Variants in UTS2 observed in about 807,000 individuals in gnomAD.
The protein encoded by UTS2 is urotensin 2, also known as urotensin-2.
In UTS2, 10 loss-of-function variants were observed where a neutral mutation model predicts 12.6. The observed-to-expected ratio is 0.80, with a 90% CI of 0.49 to 1.35. UTS2 has a LOEUF of 1.35. Ranked by LOEUF, UTS2 falls within the 40% of genes most tolerant of loss-of-function variation. The pLI is 0.00. For missense variants in UTS2, 142 were observed against 143.2 expected (o/e 0.99, Z 0.04); for synonymous variants, 52 against 50.0 (o/e 1.04, Z -0.17).
rs1192798129 is a variant in UTS2, at chr1:7,852,948, AAG to A, written c.54_55del (p.Leu19IlefsTer6). 7 of 1,613,470 alleles carry A rather than the reference AAG, an allele frequency of 4.3e-6. No homozygotes were observed. The highest frequency in any genetic ancestry group is 2.2e-5 in the South Asian group (2 of 91,024). ...CCTGGAGTCAAGGAGAGGAAGAGATAAGAGAGGATTTAAGAATCCTATGAAAA... is the reference window on the plus strand; with the variant it reads ...CCTGGAGTCAAGGAGAGGAAGAGATAAGAGGATTTAAGAATCCTATGAAAA... On this transcript the variant is annotated frameshift_variant, in exon 1 of 4. Transcript: ENST00000361696. LOFTEE classifies it high-confidence loss of function.
the UTS2 span, among the ~76,000 whole-genome samples, chr1:7,875,055 AT>A: frequency 0.72 from 107,830 of 148,758 alleles, 39,447 homozygotes; most frequent in African/African-American, 0.84. Flanking sequence ...TTTTTTCTTT[AT>A]TTTTTTTTTC....
upstream of UTS2, among the ~76,000 whole-genome samples, chr1:7,857,607 C>T (rs1017344107): frequency 6.6e-6 from 1 of 152,012 alleles, no homozygotes; most frequent in South Asian, 2.1e-4. Flanking sequence ...AATCCTAGCA[C>T]TTTGGGAGGT....
At chr1:7,853,299 C>A (rs762054604), upstream of UTS2, 4 of 1,613,972 alleles carry the variant, frequency 2.5e-6, no homozygotes, top group Non-Finnish European at 3.4e-6. Context: ...GCAAAAGAGG[C>A]AACTTACAGC....
the UTS2 span, among the ~76,000 whole-genome samples, chr1:7,864,910 C>T: frequency 2.6e-5 from 3 of 117,598 alleles, no homozygotes; most frequent in African/African-American, 8.2e-5. Context: ...CCTCCCACAG[C>T]GGTCCCTCTG....
the UTS2 span, among the ~76,000 whole-genome samples, chr1:7,886,452 T>C: frequency 6.6e-6 from 1 of 152,190 alleles, no homozygotes; most frequent in Admixed American, 6.5e-5. Flanking sequence ...GAGTAGTACT[T>C]GCTTTCTGAA....
rs1399737858 is a variant in UTS2, at chr1:7,852,971, GA to G, written c.32del (p.Phe11SerfsTer2). On this transcript the variant is annotated frameshift_variant, in exon 1 of 4. Transcript: ENST00000361696. LOFTEE classifies it high-confidence loss of function. ...ATAAGAGAGGATTTAAGAATCCTATGAAAAGCAAACAGCAGGAGGCCAGCTT... is the reference window on the plus strand; with the variant it reads ...ATAAGAGAGGATTTAAGAATCCTATGAAAGCAAACAGCAGGAGGCCAGCTT... MYKLASCCLL[F>X]IGFLNPLLSL... The G allele has an allele frequency of 1.2e-6, 2 of 1,613,652 alleles. No individual in the cohort carries two copies. The highest frequency in any genetic ancestry group is 1.7e-5 in the Admixed American group (1 of 59,970).
chr1:7,898,337 T>C, the UTS2 span, among the ~76,000 whole-genome samples: 9 of 152,120 alleles, frequency 5.9e-5, no homozygotes, highest in Admixed American at 5.9e-4. Flanking sequence ...AAAAAAGCAC[T>C]AAATGCCAGC....
the UTS2 span, among the ~76,000 whole-genome samples, chr1:7,890,616 A>T: frequency 6.6e-6 from 1 of 151,888 alleles, no homozygotes; most frequent in Non-Finnish European, 1.5e-5. Flanking sequence ...TGACATAGAA[A>T]GATGCTCACA....
At chr1:7,863,033 G>GTATTGTATTGTATTGTATTGTATTGTATT in the UTS2 span, among the ~76,000 whole-genome samples, 1 of 26,960 alleles carries the variant, frequency 3.7e-5, no homozygotes. Flanking sequence ...GTATTGTATT[G>GTATTGTATTGTATTGTATTGTATTGTATT]TATTGTATTG....
At chr1:7,859,106 T>C in the UTS2 span, among the ~76,000 whole-genome samples, 1 of 152,188 alleles carries the variant, frequency 6.6e-6, no homozygotes, top group Admixed American at 6.5e-5. Flanking sequence ...CCAGAGAAGT[T>C]GAGGATACCT....
chr1:7,906,511 A>AAAGAAAGAAAGAAAG, the UTS2 span, among the ~76,000 whole-genome samples: 1 of 47,762 alleles, frequency 2.1e-5, no homozygotes, highest in Non-Finnish European at 5.0e-5. Flanking sequence ...AAGAAAGAAA[A>AAAGAAAGAAAGAAAG]GAGGGAGGGA....
the UTS2 span, among the ~76,000 whole-genome samples, chr1:7,877,145 A>AG: frequency 3.2e-5 from 3 of 93,256 alleles, no homozygotes; most frequent in South Asian, 7.9e-4. Flanking sequence ...AAAAAAAAGA[A>AG]AAAAAAAAGA....
upstream of UTS2, among the ~76,000 whole-genome samples, chr1:7,855,978 G>A (rs116662097): frequency 0.011 from 1,658 of 151,972 alleles, 28 homozygotes; most frequent in African/African-American, 0.038. Flanking sequence ...GGGATTACAG[G>A]CGCAAACCAC....
upstream of UTS2, among the ~76,000 whole-genome samples, chr1:7,854,037 C>T (rs1638243487): frequency 6.6e-6 from 1 of 152,092 alleles, no homozygotes; most frequent in Admixed American, 6.6e-5. Flanking sequence ...CAAGACCAGC[C>T]TGGGCAACAT....
the UTS2 span, among the ~76,000 whole-genome samples, chr1:7,903,261 C>G: frequency 3.7e-4 from 2 of 5,362 alleles, no homozygotes. Flanking sequence ...TGCTTCCCCT[C>G]CTTCTCCTGC....
chr1:7,908,639 T>C, the UTS2 span, among the ~76,000 whole-genome samples: 5 of 151,956 alleles, frequency 3.3e-5, no homozygotes, highest in Admixed American at 3.3e-4. Flanking sequence ...CTCTGCGTCA[T>C]TGATTGGTAT....
the UTS2 span, among the ~76,000 whole-genome samples, chr1:7,867,872 T>C: frequency 3.9e-5 from 6 of 151,918 alleles, no homozygotes; most frequent in Admixed American, 1.3e-4. Flanking sequence ...CAAGACTCAG[T>C]CTCAAAAATA....
the UTS2 span, among the ~76,000 whole-genome samples, chr1:7,868,753 AT>A: frequency 6.6e-6 from 1 of 152,338 alleles, no homozygotes; most frequent in African/African-American, 2.4e-5. Context: ...TGGACTAAAT[AT>A]ATCCTCCAAA....
the UTS2 span, among the ~76,000 whole-genome samples, chr1:7,893,385 C>T: frequency 6.6e-6 from 1 of 152,036 alleles, no homozygotes; most frequent in African/African-American, 2.4e-5. Context: ...CTTGGAGCCC[C>T]GGCTGCTCGG....
Sources: gnomAD v4.1 joint callset for allele counts (sites outside exome capture counted in the v4.1 genomes callset) on GRCh38, gnomAD v4.1.1 for gene constraint, MANE v1.5 for transcripts, NCBI Gene and HGNC (gene_info 2026-07-23, HGNC 2026-07-21) for gene names.